The following TNS1 variants were observed in gnomAD, a reference collection of about 807,000 sequenced individuals.
The protein encoded by TNS1 is tensin-1.
A neutral mutation model predicts 168.6 loss-of-function variants in TNS1; 62 were observed. The observed-to-expected ratio is 0.37, with a 90% CI of 0.30 to 0.45. The LOEUF is 0.45. Among genes scored for constraint, TNS1 ranks in the 20% least tolerant of loss-of-function variants. TNS1 has a pLI of 1.00. For missense variants in TNS1, 2,240 were observed against 2,339.4 expected, an observed-to-expected ratio of 0.96 and a Z score of 0.88; for synonymous variants, 934 against 933.2, an observed-to-expected ratio of 1.00 and a Z score of -0.02.
In TNS1 at chr2:217,880,904, T is replaced by A; in HGVS notation, c.1423A>T (p.Met475Leu). 6.2e-7 allele frequency: 1 copy of A among 1,613,598 alleles called. No individual in the cohort carries two copies. Among genetic ancestry groups the A allele is most frequent in the South Asian group, 1.1e-5 (1 of 91,064 alleles). Residue 475 changes from methionine (M) to leucine (L), a missense_variant, in exon 18 of 33, where the codon ATG becomes TTG. Coordinates refer to ENST00000682258, the MANE Select transcript of TNS1 (RefSeq NM_001387777.1). This position sits in a 1 kb window ranked among gnomAD's most constrained non-coding sequence, Gnocchi z 4.2. Reference protein sequence around the residue: ...DNFSGHRDDGMEEVVGHTQGP... With the variant: ...DNFSGHRDDGLEEVVGHTQGP... ...GCCACTAGGTCCCACCTACCCTCCA[T>A]GCCGTCATCTCGATGCCCACTGAAG...
At position 217,847,506 on chromosome 2, in the gene TNS1, T is replaced by C. The variant is rs529299847; in HGVS notation, c.3007+4A>G. 4.8e-6 allele frequency: 7 copies of C among 1,458,618 alleles called. No homozygotes were observed. The Admixed American group carries it at 1.1e-4, about 24-fold the overall frequency. 90.4% of individuals were successfully genotyped at this position (1,458,618 alleles called of 1,614,324 possible). On this transcript the variant is annotated splice_donor_region_variant and intron_variant, in intron 19 of 32. Transcript: ENST00000682258. ...AGAAGGAGTCAGGACTGAATACCTC[T>C]TACCTGCTACCCTGTGGGCCACCAG...
chr2:217,914,828 T>A (rs1282060160), intron 4 of TNS1, among the ~76,000 whole-genome samples: 1 of 152,214 alleles, frequency 6.6e-6, no homozygotes, highest in Non-Finnish European at 1.5e-5. Context: ...TTTTGGCAAA[T>A]GAGGAGCTGA....
chr2:217,876,250 C>A (rs1442481036), intron 18 of TNS1, among the ~76,000 whole-genome samples: 1 of 152,114 alleles, frequency 6.6e-6, no homozygotes, highest in East Asian at 1.9e-4. Flanking sequence ...AAGGCTTGCC[C>A]CGGAACACTA....
intron 7 of TNS1, among the ~76,000 whole-genome samples, 155 bp downstream of exon 7, chr2:217,900,308 C>T (rs567891880): frequency 6.6e-6 from 1 of 152,372 alleles, no homozygotes; most frequent in South Asian, 2.1e-4. Flanking sequence ...GGCATCCGCA[C>T]GCATCCTCTC....
At position 217,859,465 on chromosome 2, in the gene TNS1, G is replaced by A. The variant is rs1948576112; in HGVS notation, c.1430-10378C>T. On this transcript the variant is annotated intron_variant, in intron 18 of 32. Transcript: ENST00000682258. ...CCACAGGGTCCTGCACTTCCCAGAG[G>A]TGAACACAGGACCTGAATAGAAGGA... The A allele has an allele frequency of 9.8e-6, 6 of 610,710 alleles. No homozygotes were observed. The Admixed American group carries it at 1.6e-4, about 17-fold the overall frequency. 37.8% of individuals were successfully genotyped at this position (610,710 alleles called of 1,614,324 possible).
rs750084484 is a variant in TNS1 at position 217,831,541 on chromosome 2, G to T, written c.3287C>A (p.Ser1096Tyr). The T allele has an allele frequency of 3.9e-6, 6 of 1,521,858 alleles. No homozygotes were observed. Among genetic ancestry groups the T allele is most frequent in the Admixed American group, 2.1e-5 (1 of 46,564 alleles). The allele number at this position is 1,521,858 out of a possible 1,614,324, so 94.3% of individuals were successfully genotyped here. The change falls in exon 22 of 33, where the codon TCC becomes TAC. Residue 1096 changes from serine to tyrosine, a missense_variant. Ser to Tyr is a moderately radical substitution (Grantham distance 144). Coordinates refer to ENST00000682258, the MANE Select transcript of TNS1 (RefSeq NM_001387777.1). ...PSSPPPSGVRSPPGLAKTPLS... is the reference protein window; with the variant it reads ...PSSPPPSGVRYPPGLAKTPLS... ...GGGTGTCTTGGCCAGACCCGGGGGG[G>T]ACCGCACTGTGCCAGGAAGAAGAGG...
At position 217,982,875 on chromosome 2, in the gene TNS1, C is replaced by T. The variant is rs150452815; in HGVS notation, c.149-4073G>A. Among the ~76,000 whole-genome samples the T allele has an allele frequency of 1.2e-4, 19 of 152,312 alleles. No homozygotes were observed. In the South Asian group the frequency reaches 2.9e-3, roughly 23 times the overall value. ...TTGCTGCTTGGTGCCTGCAAACTCT[C>T]GCTTTAACTCCTTCCTCACTTCCCT... On this transcript the variant is annotated intron_variant, in intron 2 of 32. Coordinates refer to ENST00000682258, the MANE Select transcript of TNS1 (RefSeq NM_001387777.1).
At chr2:217,815,244 G>T (rs949552612) in intron 24 of TNS1, 1 of 483,994 alleles carries the variant, frequency 2.1e-6, no homozygotes, top group Non-Finnish European at 3.8e-6. Context: ...ACCATGGAAG[G>T]TGCAGGCAGA....
intron 28 of TNS1, 64 bp from the exon 29 acceptor site, chr2:217,810,383 G>A (rs932822522): frequency 1.3e-6 from 2 of 1,520,692 alleles, no homozygotes; most frequent in East Asian, 2.3e-5. Context: ...GTTTGGCTGG[G>A]CTGAAGGTGA....
intron 3 of TNS1, among the ~76,000 whole-genome samples, chr2:217,921,853 G>T (rs759000002): frequency 2.0e-5 from 3 of 152,166 alleles, no homozygotes; most frequent in Non-Finnish European, 2.9e-5. Context: ...CCAGTAAGGT[G>T]GGTTACTATT....
intron 9 of TNS1, among the ~76,000 whole-genome samples, chr2:217,894,432 A>C (rs1559316332): frequency 6.6e-6 from 1 of 152,236 alleles, no homozygotes; most frequent in African/African-American, 2.4e-5. Context: ...CAAGGTGGGC[A>C]GATCACTTGA....
intron 1 of TNS1, among the ~76,000 whole-genome samples, chr2:218,023,684 C>T (rs552969350): frequency 6.6e-6 from 1 of 152,322 alleles, no homozygotes; most frequent in African/African-American, 2.4e-5. Flanking sequence ...GTTATCATTC[C>T]CATTTTCCAG....
At position 217,808,881 on chromosome 2, in the gene TNS1, G is replaced by A. The variant is rs529968687; in HGVS notation, c.5274-210C>T. On this transcript the variant is annotated intron_variant, in intron 30 of 32. Coordinates refer to ENST00000682258, the MANE Select transcript of TNS1 (RefSeq NM_001387777.1). ...GATGTGCCATAGAATCATCCCAAATGCTAGGGGCTGGGGAAGGAAGAAACT... is the reference window on the plus strand; with the variant it reads ...GATGTGCCATAGAATCATCCCAAATACTAGGGGCTGGGGAAGGAAGAAACT... 2.6e-5 allele frequency among the ~76,000 whole-genome samples: 4 copies of A among 152,296 alleles called. No individual in the cohort carries two copies. The South Asian group carries it at 8.3e-4, about 32-fold the overall frequency.
intron 22 of TNS1, among the ~76,000 whole-genome samples, chr2:217,830,707 G>A (rs1944293438): frequency 6.6e-6 from 1 of 152,228 alleles, no homozygotes; most frequent in Non-Finnish European, 1.5e-5. Context: ...TCAGAGCTTG[G>A]GCTGCTCTCC....
At chr2:217,930,083 C>T (rs1956242579) in intron 3 of TNS1, among the ~76,000 whole-genome samples, 2 of 152,234 alleles carry the variant, frequency 1.3e-5, no homozygotes, top group Admixed American at 6.5e-5. Context: ...TCTCCACTCC[C>T]ATTTCTCACC....
intron 17 of TNS1, 113 bp downstream of exon 17, chr2:217,882,233 G>C: frequency 1.4e-6 from 1 of 707,860 alleles, no homozygotes; most frequent in East Asian, 2.9e-5. Flanking sequence ...CTGATGGCCT[G>C]CCTCTCAAAA....
intron 6 of TNS1, chr2:217,903,667 A>G: frequency 1.2e-5 from 17 of 1,423,876 alleles, no homozygotes; most frequent in Admixed American, 2.0e-5. Flanking sequence ...AGCCTCCCAG[A>G]CAGAGTGTCT....
At chr2:217,843,288 C>T (rs142485135) in intron 19 of TNS1, among the ~76,000 whole-genome samples, 3 of 152,200 alleles carry the variant, frequency 2.0e-5, no homozygotes, top group Non-Finnish European at 4.4e-5. Flanking sequence ...CTAGGCCTGT[C>T]CCCTCTTACC....
chr2:217,937,310 G>A (rs1956667412), intron 3 of TNS1: 3 of 311,828 alleles, frequency 9.6e-6, no homozygotes, highest in Non-Finnish European at 1.9e-5. Flanking sequence ...GGCCCCGTGT[G>A]CCCAGCTGGA....
Sources: gnomAD v4.1 joint callset for allele counts (sites outside exome capture counted in the v4.1 genomes callset) on GRCh38, gnomAD v4.1.1 for gene constraint, Gnocchi (gnomAD v3.1) non-coding constraint, MANE v1.5 for transcripts, NCBI Gene and HGNC (gene_info 2026-07-23, HGNC 2026-07-21) for gene names.